NAV2: variants seen among roughly 807,000 people sequenced by gnomAD.
The protein encoded by NAV2 is neuron navigator 2.
NAV2 carries 54 observed loss-of-function variants against 223.2 expected under a neutral mutation model. That is an observed-to-expected ratio of 0.24 (90% CI 0.19 to 0.30). The LOEUF (loss-of-function observed/expected upper bound fraction) is 0.30, where lower values mean the gene tolerates loss of function less well. Among genes scored for constraint, NAV2 ranks in the 10% least tolerant of loss-of-function variants. The pLI, the probability that NAV2 is intolerant of heterozygous loss-of-function variation, is 1.00. For missense variants in NAV2, 2,806 were observed against 3,147.5 expected (o/e 0.89, Z 2.60); for synonymous variants, 1,279 against 1,239.3 (o/e 1.03, Z -0.67).
At chr11:19,785,907 A>G (rs2057080210) in intron 1 of NAV2, among the ~76,000 whole-genome samples, 1 of 152,200 alleles carries the variant, frequency 6.6e-6, no homozygotes, top group Non-Finnish European at 1.5e-5. Flanking sequence ...TTTCCTGAAT[A>G]CATGCTACAT....
rs1490502136 is a variant in NAV2 at position 19,605,775 on chromosome 11, G to A, written c.76-226709G>A. 2.0e-5 allele frequency among the ~76,000 whole-genome samples: 3 copies of A among 152,096 alleles called. No homozygotes were observed. The East Asian group carries it at 5.8e-4, about 29-fold the overall frequency. ...CTTCTAGCAAGCTCCCTGCAAAATG[G>A]GTCATTTCTTTTCATCAGATTTGGG... On this transcript the variant is annotated intron_variant, in intron 1 of 37. Transcript: ENST00000360655.
chr11:19,501,267 G>GCACA (rs974582837), intron 1 of NAV2, among the ~76,000 whole-genome samples: 8 of 152,126 alleles, frequency 5.3e-5, no homozygotes, highest in Non-Finnish European at 1.2e-4. Context: ...AATTACATTT[G>GCACA]CACAGTCCCT....
chr11:19,546,404 C>T (rs1195681664), intron 1 of NAV2, among the ~76,000 whole-genome samples: 4 of 152,158 alleles, frequency 2.6e-5, no homozygotes, highest in East Asian at 1.9e-4. Flanking sequence ...GGGTGTGGGG[C>T]CCAGATGGCA....
intron 1 of NAV2, among the ~76,000 whole-genome samples, chr11:19,426,515 CACA>C (rs1214372655): frequency 6.6e-6 from 1 of 152,162 alleles, no homozygotes; most frequent in Admixed American, 6.5e-5. Flanking sequence ...CCTTGCCAAG[CACA>C]ACAACATCTA....
intron 11 of NAV2, among the ~76,000 whole-genome samples, chr11:20,034,363 T>G (rs1310862032): frequency 3.3e-5 from 4 of 121,320 alleles, no homozygotes; most frequent in African/African-American, 1.2e-4. Flanking sequence ...TTTTTTTTTG[T>G]TTTTTTTTTT....
intron 1 of NAV2, among the ~76,000 whole-genome samples, chr11:19,596,826 G>C (rs1446053217): frequency 6.6e-6 from 1 of 152,204 alleles, no homozygotes; most frequent in Non-Finnish European, 1.5e-5. Flanking sequence ...TGTTTACCAT[G>C]CACCAAGCCC....
At chr11:19,963,567 G>A (rs2153412792) in intron 10 of NAV2, among the ~76,000 whole-genome samples, 1 of 152,356 alleles carries the variant, frequency 6.6e-6, no homozygotes, top group South Asian at 2.1e-4. Context: ...GTAAGGTACA[G>A]AGGAGTGAGT....
In NAV2 at chr11:20,102,503, A is replaced by C. The variant is rs11025384; in HGVS notation, c.6418-752A>C. 5.0e-3 allele frequency among the ~76,000 whole-genome samples: 758 copies of C among 152,186 alleles called. 28 individuals carry two copies. In the East Asian group the frequency reaches 0.094, roughly 19 times the overall value. On this transcript the variant is annotated intron_variant, in intron 32 of 37. Transcript: ENST00000349880. ...CTTCTCCTTCTGTAAAATGGACGTA[A>C]TCATAGTACTCACCTTCTAGGTTAT...
At chr11:19,525,306 C>T (rs1452484023) in intron 1 of NAV2, among the ~76,000 whole-genome samples, 1 of 152,182 alleles carries the variant, frequency 6.6e-6, no homozygotes, top group East Asian at 1.9e-4. Context: ...CTTTCCTACA[C>T]CATGTTTCAG....
chr11:19,464,504 G>A (rs1017746068), intron 1 of NAV2, among the ~76,000 whole-genome samples: 36 of 152,208 alleles, frequency 2.4e-4, no homozygotes, highest in African/African-American at 8.7e-4. Context: ...CTACTCCTGG[G>A]CAACCTTGGG....
intron 35 of NAV2, 131 bp downstream of exon 35, chr11:20,105,858 G>A (rs1352489106): frequency 1.5e-5 from 11 of 727,102 alleles, no homozygotes; most frequent in African/African-American, 1.4e-4. Flanking sequence ...AGAAAGTGGG[G>A]CAGAGGGACA....
At chr11:20,077,340 C>T (rs1435748121) in intron 22 of NAV2, among the ~76,000 whole-genome samples, 1 of 151,812 alleles carries the variant, frequency 6.6e-6, no homozygotes, top group Non-Finnish European at 1.5e-5. Context: ...TGTACAAGGG[C>T]CCTAAGATGG....
intron 1 of NAV2, among the ~76,000 whole-genome samples, chr11:19,601,355 A>G (rs2046344810): frequency 6.6e-6 from 1 of 151,508 alleles, no homozygotes; most frequent in African/African-American, 2.4e-5. Flanking sequence ...CACTTCTACA[A>G]TTTCTCCTTC....
intron 1 of NAV2, among the ~76,000 whole-genome samples, chr11:19,776,631 A>AGTGTGTGTGTGTGT (rs1565295867): frequency 8.8e-5 from 2 of 22,696 alleles, no homozygotes; most frequent in Non-Finnish European, 1.7e-4. Context: ...GGGGTCAGAA[A>AGTGTGTGTGTGTGT]ATGTGTGTGT....
intron 1 of NAV2, among the ~76,000 whole-genome samples, chr11:19,387,152 G>A (rs1227405186): frequency 6.6e-6 from 1 of 152,154 alleles, no homozygotes; most frequent in East Asian, 1.9e-4. Flanking sequence ...ACACATACAC[G>A]AGACAGTTGA....
chr11:19,627,926 A>AAG (rs2047218352), intron 1 of NAV2, among the ~76,000 whole-genome samples: 1 of 139,918 alleles, frequency 7.1e-6, no homozygotes, highest in African/African-American at 2.8e-5. Flanking sequence ...AAAAAAAAAA[A>AAG]AAGAAGAAGA....
At position 19,934,168 on chromosome 11, in the gene NAV2, G is replaced by T; in HGVS notation, c.1924G>T (p.Val642Phe). ...SISSQTVSGS[V>F]GTTQTTGSNT... ...CAGCAGCCAGACTGTCAGTGGGTCT[G>T]TCGGGACCACCCAGACCACAGGAAG... is the stretch of plus-strand genomic sequence containing the variant. The change falls in exon 7 of 38, where the codon GTC becomes TTC. Residue 642 changes from valine to phenylalanine, a missense_variant. Transcript: ENST00000349880. 6.2e-7 allele frequency: 1 copy of T among 1,614,054 alleles called. No homozygotes were observed. The highest frequency in any genetic ancestry group is 8.5e-7 in the Non-Finnish European group (1 of 1,180,008).
chr11:19,808,230 C>T (rs2058675315), intron 1 of NAV2, among the ~76,000 whole-genome samples: 1 of 152,170 alleles, frequency 6.6e-6, no homozygotes, highest in Non-Finnish European at 1.5e-5. Flanking sequence ...ATCTTAGCTG[C>T]CCTCTTTAAA....
intron 1 of NAV2, among the ~76,000 whole-genome samples, chr11:19,756,098 CT>C (rs2054209938): frequency 6.6e-6 from 1 of 152,308 alleles, no homozygotes; most frequent in Admixed American, 6.5e-5. Context: ...CCTCAATCTC[CT>C]GTACAGCTCT....
Sources: allele counts gnomAD v4.1 joint callset (sites outside exome capture counted in the v4.1 genomes callset), GRCh38; gene constraint gnomAD v4.1.1; transcripts MANE v1.5; gene names NCBI Gene and HGNC (gene_info 2026-07-23, HGNC 2026-07-21).